EP400: variants seen among roughly 807,000 people sequenced by gnomAD.
EP400 encodes the protein E1A binding protein p400.
In EP400, 105 loss-of-function variants were observed where a neutral mutation model predicts 354.1. That is an observed-to-expected ratio of 0.30 (90% CI 0.25 to 0.35). The LOEUF (loss-of-function observed/expected upper bound fraction) is 0.35, where lower values mean the gene tolerates loss of function less well. EP400 is among the 10% of genes least tolerant of loss of function. The pLI is 1.00. For synonymous variants in EP400, 1,646 were observed against 1,716.9 expected, an observed-to-expected ratio of 0.96 and a Z score of 1.02; for missense variants, 3,280 against 4,121.0, an observed-to-expected ratio of 0.80 and a Z score of 5.59.
intron 52 of EP400, among the ~76,000 whole-genome samples, chr12:132,077,168 C>T (rs376240917): frequency 2.6e-5 from 4 of 152,246 alleles, no homozygotes; most frequent in Non-Finnish European, 5.9e-5. Flanking sequence ...CAGCTCTCAC[C>T]CTTTTCCCAA....
rs1452219310 is a variant in EP400, at chr12:132,075,114, CA to C, written c.9022-1401del. ...AGGCTTAGGGCAGGTGCTTTTCTTA[CA>C]GATGCCACTGGAGGAAGGGGATGCT... On this transcript the variant is annotated intron_variant, in intron 51 of 52. Transcript: ENST00000389561. This position sits in a 1 kb window ranked among gnomAD's most constrained non-coding sequence, Gnocchi z 4.5. 6.6e-6 allele frequency among the ~76,000 whole-genome samples: 1 copy of C among 152,180 alleles called. No individual in the cohort carries two copies. The highest frequency in any genetic ancestry group is 1.5e-5 in the Non-Finnish European group (1 of 68,032).
intron 15 of EP400, among the ~76,000 whole-genome samples, chr12:132,009,203 A>C (rs1593343409): frequency 6.6e-6 from 1 of 151,748 alleles, no homozygotes; most frequent in African/African-American, 2.4e-5. Flanking sequence ...AAGTGGTGGG[A>C]TTACAGGCAT....
Position 131,990,206 on chromosome 12 carries a change from C to G in EP400, c.2550+102C>G, listed in dbSNP as rs967752451. On this transcript the variant is annotated intron_variant, in intron 8 of 52. Transcript: ENST00000389561. The surrounding 1 kb of genome is among the most constrained non-coding windows in gnomAD (Gnocchi z 4.2). Reference sequence around the variant, plus strand: ...TCGGGCACCTTGCTTAGGAAGCTTTCGAGCACCAGAGTCAGCAACGTGTGC... The same window carrying G: ...TCGGGCACCTTGCTTAGGAAGCTTTGGAGCACCAGAGTCAGCAACGTGTGC... 1.7e-5 allele frequency: 24 copies of G among 1,409,294 alleles called. No homozygotes were observed. The highest frequency in any genetic ancestry group is 2.3e-5 in the Non-Finnish European group (24 of 1,045,044). 87.3% of individuals were successfully genotyped at this position (1,409,294 alleles called of 1,614,324 possible). A position where few individuals can be genotyped will look rare whatever the true frequency, so the allele number is the denominator to read the frequency against.
At chr12:132,021,495 G>A (rs187476898) in intron 23 of EP400, among the ~76,000 whole-genome samples, 174 bp downstream of exon 23, 342 of 152,372 alleles carry the variant, frequency 2.2e-3, no homozygotes, top group Non-Finnish European at 3.8e-3. Context: ...CTAGCAGGGA[G>A]CGCCTCTGTG....
intron 1 of EP400, among the ~76,000 whole-genome samples, chr12:131,952,302 C>CAAAAAAAAAAAA (rs927214848): frequency 1.0e-3 from 48 of 46,624 alleles, no homozygotes; most frequent in Non-Finnish European, 1.2e-3. Flanking sequence ...GACTCTGTCT[C>CAAAAAAAAAAAA]AAAAAAAAAA....
intron 39 of EP400, among the ~76,000 whole-genome samples, chr12:132,047,386 T>G (rs766064712): frequency 6.6e-6 from 1 of 152,214 alleles, no homozygotes; most frequent in Non-Finnish European, 1.5e-5. Context: ...GTCACGTAGG[T>G]TCTTTTCTAT....
Position 131,961,659 on chromosome 12 carries a change from T to C in EP400, c.1040T>C (p.Val347Ala), listed in dbSNP as rs768844547. The C allele has an allele frequency of 1.9e-6, 3 of 1,608,848 alleles. No individual in the cohort carries two copies. The highest frequency in any genetic ancestry group is 2.5e-6 in the Non-Finnish European group (3 of 1,177,362). ...GTGGGGAACACGGGAATGAAGAAGG[T>C]TCCCAAGAAGTTAGAGGAGATTCCC... ...TSVGNTGMKK[V>A]PKKLEEIPPA... is the part of the protein sequence containing the mutation. The change falls in exon 2 of 53, where the codon GTT (valine) becomes GCT (alanine). Residue 347 changes from valine to alanine, a missense_variant. Around this residue, in one of 20 missense-constraint regions of EP400, gnomAD observed 85 missense variants for 180.3 expected, o/e 0.47. Transcript: ENST00000389561.
At position 131,990,551 on chromosome 12, in the gene EP400, T is replaced by G; in HGVS notation, c.2551-85T>G. 9.9e-7 allele frequency: 1 copy of G among 1,011,282 alleles called. No individual in the cohort carries two copies. Among genetic ancestry groups the G allele is most frequent in the South Asian group, 1.5e-5 (1 of 65,582 alleles). The allele number at this position is 1,011,282 out of a possible 1,614,324, so 62.6% of individuals were successfully genotyped here. ...GGAAAACACTGTTTTCAGACTCTGC[T>G]TATGTGCTTTAGTGTTTTGTATGCA... On this transcript the variant is annotated intron_variant, in intron 8 of 52. Coordinates refer to ENST00000389561, the MANE Select transcript of EP400 (RefSeq NM_015409.5). The surrounding 1 kb of genome is among the most constrained non-coding windows in gnomAD (Gnocchi z 4.2).
intron 2 of EP400, among the ~76,000 whole-genome samples, chr12:131,977,142 T>C (rs1442865236): frequency 6.6e-6 from 1 of 152,100 alleles, no homozygotes; most frequent in South Asian, 2.1e-4. Flanking sequence ...TTTGTTTTTG[T>C]TTTTGTTTTT....
At position 132,062,554 on chromosome 12, in the gene EP400, G is replaced by A. The variant is rs145603866; in HGVS notation, c.8187G>A (p.Gln2729=). ...RQQQQQQQQQ[Q]QQQQQQQQQQ... Reference sequence around the variant, plus strand: ...AGCAGCAGCAGCAGCAACAACAGCAGCAGCAGCAGCAGCAGCAGCAGCAGC... The same window carrying A: ...AGCAGCAGCAGCAGCAACAACAGCAACAGCAGCAGCAGCAGCAGCAGCAGC... Residue 2729 remains glutamine (Q), a synonymous_variant, in exon 47 of 53, where the codon CAG becomes CAA. Transcript: ENST00000389561. 47 of 1,534,098 alleles carry A rather than the reference G, an allele frequency of 3.1e-5. No individual in the cohort carries two copies. Among genetic ancestry groups the A allele is most frequent in the African/African-American group, 1.5e-4 (10 of 68,436 alleles).
rs965124912 is a variant in EP400 at position 131,987,697 on chromosome 12, A to G, written c.2224-8A>G. ...CCGACCCCACCATCCCCCATGTATCATCTACAGGAGAACCAGGTGCATCAG... is the reference window on the plus strand; with the variant it reads ...CCGACCCCACCATCCCCCATGTATCGTCTACAGGAGAACCAGGTGCATCAG... On this transcript the variant is annotated splice_polypyrimidine_tract_variant and splice_region_variant and intron_variant, in intron 6 of 52. Coordinates refer to ENST00000389561, the MANE Select transcript of EP400 (RefSeq NM_015409.5). The G allele has an allele frequency of 1.9e-6, 3 of 1,593,390 alleles. No individual in the cohort carries two copies. Among genetic ancestry groups the G allele is most frequent in the Non-Finnish European group, 2.6e-6 (3 of 1,169,498 alleles).
chr12:131,996,449 G>A (rs966147117), intron 12 of EP400, among the ~76,000 whole-genome samples: 5 of 151,690 alleles, frequency 3.3e-5, no homozygotes, highest in East Asian at 1.9e-4. Context: ...CCGCCACCAC[G>A]CCCGGCTAAT....
intron 30 of EP400, among the ~76,000 whole-genome samples, chr12:132,037,253 C>T (rs1425553462): frequency 6.6e-6 from 1 of 152,104 alleles, no homozygotes; most frequent in African/African-American, 2.4e-5. Flanking sequence ...GAGAAAAACG[C>T]CCATAATTAC....
intron 46 of EP400, 66 bp downstream of exon 46, chr12:132,062,389 T>G: frequency 6.2e-7 from 1 of 1,610,346 alleles, no homozygotes; most frequent in Non-Finnish European, 8.5e-7. Flanking sequence ...GCTCAGCTGC[T>G]GCTTGCTGTC....
chr12:132,051,370 G>T (rs1177719649), intron 41 of EP400, among the ~76,000 whole-genome samples: 1 of 152,168 alleles, frequency 6.6e-6, no homozygotes, highest in African/African-American at 2.4e-5. Flanking sequence ...AGCTGGGACT[G>T]GGGGACCACT....
Position 131,987,816 on chromosome 12 carries a change from C to A in EP400, c.2335C>A (p.Leu779Met), listed in dbSNP as rs1177485472. ...APRPKSHWDY[L>M]LEEMQWMATD... ...ACGCCCCAAGTCCCACTGGGACTAT[C>A]TGCTGGAGGAGATGCAGTGGATGGC... Residue 779 changes from leucine (L) to methionine (M), a missense_variant, in exon 7 of 53, where the codon CTG (leucine) becomes ATG (methionine). This residue lies in a region of EP400 where 800 missense variants were observed against 840.0 expected (regional missense o/e 0.95). Coordinates refer to ENST00000389561, the MANE Select transcript of EP400 (RefSeq NM_015409.5). The A allele has an allele frequency of 1.5e-5, 25 of 1,613,546 alleles. No individual in the cohort carries two copies. The highest frequency in any genetic ancestry group is 1.7e-4 in the Middle Eastern group (1 of 5,920).
At chr12:131,963,515 A>G (rs770918135) in intron 2 of EP400, 1 of 1,573,464 alleles carries the variant, frequency 6.4e-7, no homozygotes, top group South Asian at 1.1e-5. Context: ...TTTTTTTCTC[A>G]AAATATTTCC....
chr12:132,067,110 G>A lies in EP400; in HGVS notation c.8749+141G>A, dbSNP rs186287569. The A allele has an allele frequency of 4.3e-5, 52 of 1,209,164 alleles. No homozygotes were observed. In the East Asian group the frequency reaches 9.6e-4, roughly 22 times the overall value. The allele number at this position is 1,209,164 out of a possible 1,614,324, so 74.9% of individuals were successfully genotyped here. On this transcript the variant is annotated intron_variant, in intron 49 of 52. Transcript: ENST00000389561. This position sits in a 1 kb window ranked among gnomAD's most constrained non-coding sequence, Gnocchi z 5.3. ...TGCCATCACGTGTTCTAGCACAAACGTGCCTTGGCGCTTTCCAGGCGCAAG... is the reference window on the plus strand; with the variant it reads ...TGCCATCACGTGTTCTAGCACAAACATGCCTTGGCGCTTTCCAGGCGCAAG...
At position 132,018,461 on chromosome 12, in the gene EP400, G is replaced by C; in HGVS notation, c.4277+85G>C. Reference sequence around the variant, plus strand: ...AGGTCTATGCGTGGTGAAAAGAAAGGCTGCTAATGTAGTTAGGTTATCTGC... The same window carrying C: ...AGGTCTATGCGTGGTGAAAAGAAAGCCTGCTAATGTAGTTAGGTTATCTGC... On this transcript the variant is annotated intron_variant, in intron 21 of 52. Coordinates refer to ENST00000389561, the MANE Select transcript of EP400 (RefSeq NM_015409.5). The surrounding 1 kb of genome is among the most constrained non-coding windows in gnomAD (Gnocchi z 4.0). 1.3e-6 allele frequency: 2 copies of C among 1,508,360 alleles called. No individual in the cohort carries two copies. The highest frequency in any genetic ancestry group is 1.8e-6 in the Non-Finnish European group (2 of 1,130,120). 93.4% of individuals were successfully genotyped at this position (1,508,360 alleles called of 1,614,324 possible). A position where few individuals can be genotyped will look rare whatever the true frequency, so the allele number is the denominator to read the frequency against.
Sources: allele counts gnomAD v4.1 joint callset (sites outside exome capture counted in the v4.1 genomes callset), GRCh38; gene constraint gnomAD v4.1.1; regional missense constraint gnomAD v4.1.1; non-coding constraint Gnocchi (gnomAD v3.1); transcripts MANE v1.5; gene names NCBI Gene and HGNC (gene_info 2026-07-23, HGNC 2026-07-21).